The following PPP2R2A variants were observed in gnomAD, a reference collection of about 807,000 sequenced individuals.
PPP2R2A encodes the protein protein phosphatase 2 regulatory subunit Balpha.
Under a neutral mutation model 53.2 loss-of-function variants are expected in PPP2R2A, and 9 were observed. The observed-to-expected ratio is 0.17, with a 90% CI of 0.10 to 0.30. PPP2R2A has a LOEUF of 0.30. Among genes scored for constraint, PPP2R2A ranks in the 10% least tolerant of loss-of-function variants. The pLI, the probability that PPP2R2A is intolerant of heterozygous loss-of-function variation, is 1.00. For missense variants in PPP2R2A, 235 were observed against 534.6 expected (o/e 0.44, Z 5.53); for synonymous variants, 169 against 174.2 (o/e 0.97, Z 0.23).
chr8:26,296,746 T>A (rs1801556355), intron 2 of PPP2R2A, among the ~76,000 whole-genome samples: 1 of 152,202 alleles, frequency 6.6e-6, no homozygotes, highest in Non-Finnish European at 1.5e-5. Flanking sequence ...TTATTGTTCT[T>A]AGGTTTTGAA....
At chr8:26,359,071 C>A in intron 4 of PPP2R2A, 1 of 382,496 alleles carries the variant, frequency 2.6e-6, no homozygotes, top group Non-Finnish European at 5.5e-6. Context: ...TTGAACAATG[C>A]TGTGAGAAGT....
rs1364621233 is a variant in PPP2R2A, at chr8:26,338,766, G to A, written c.83-124G>A. The stretch of plus-strand genomic sequence containing the variant: ...AGATTCATGTTATTTCTGATGGGTG[G>A]TTGATGTACTTCAAAGATATACTTC... On this transcript the variant is annotated intron_variant, in intron 2 of 9. Transcript: ENST00000380737. This position sits in a 1 kb window ranked among gnomAD's most constrained non-coding sequence, Gnocchi z 4.5. The A allele has an allele frequency of 3.7e-6, 2 of 536,328 alleles. No homozygotes were observed. Among genetic ancestry groups the A allele is most frequent in the East Asian group, 3.2e-5 (1 of 31,668 alleles). The allele number at this position is 536,328 out of a possible 1,614,324, so 33.2% of individuals were successfully genotyped here.
chr8:26,331,714 G>T (rs6557911), intron 2 of PPP2R2A, among the ~76,000 whole-genome samples: 104,152 of 152,102 alleles, frequency 0.68, 36,074 homozygotes, highest in East Asian at 0.88. Context: ...TTGTAGATAC[G>T]TGCTCTTTAC....
Position 26,371,228 on chromosome 8 carries a change from A to G in PPP2R2A, c.*815A>G, listed in dbSNP as rs950509300. 6.6e-6 allele frequency: 1 copy of G among 152,014 alleles called. No homozygotes were observed. The highest frequency in any genetic ancestry group is 2.4e-5 in the African/African-American group (1 of 41,370). The allele number at this position is 152,014 out of a possible 1,614,324, so 9.4% of individuals were successfully genotyped here. ...GAAACAAAATGGGTTTTCATTGTTTATTGGTATTTTTGTTAATTATTTTTA... is the reference window on the plus strand; with the variant it reads ...GAAACAAAATGGGTTTTCATTGTTTGTTGGTATTTTTGTTAATTATTTTTA... On this transcript the variant is annotated 3_prime_UTR_variant, in exon 10 of 10. Transcript: ENST00000380737.
chr8:26,293,633 C>T lies in PPP2R2A; in HGVS notation c.8-33C>T, dbSNP rs372439016. 1.4e-5 allele frequency: 23 copies of T among 1,593,288 alleles called. No individual in the cohort carries two copies. In the African/African-American group the frequency reaches 2.8e-4, roughly 20 times the overall value. On this transcript the variant is annotated intron_variant, in intron 1 of 9. Coordinates refer to ENST00000380737, the MANE Select transcript of PPP2R2A (RefSeq NM_002717.4). Reference sequence around the variant, plus strand: ...TTTACGAGAGTCAACATAAGCAGAACTCGGTTTTAATTGGTATGTTTTCTT... The same window carrying T: ...TTTACGAGAGTCAACATAAGCAGAATTCGGTTTTAATTGGTATGTTTTCTT...
intron 3 of PPP2R2A, among the ~76,000 whole-genome samples, chr8:26,344,892 T>A (rs1392080729): frequency 1.3e-5 from 2 of 152,204 alleles, no homozygotes; most frequent in Non-Finnish European, 2.9e-5. Context: ...TCAGATGTTT[T>A]CGGATTTTGG....
At chr8:26,353,740 A>G (rs535071194) in intron 3 of PPP2R2A, among the ~76,000 whole-genome samples, 3 of 152,318 alleles carry the variant, frequency 2.0e-5, no homozygotes, top group East Asian at 3.9e-4. Context: ...CATTTTTTCA[A>G]AGTGATACTA....
At chr8:26,293,114 T>G (rs1303825831) in intron 1 of PPP2R2A, 2 of 866,276 alleles carry the variant, frequency 2.3e-6, no homozygotes, top group Non-Finnish European at 3.5e-6. Context: ...AGCATTCATT[T>G]CGGTTTCTTT....
Position 26,291,703 on chromosome 8 carries a change from C to CCCCCGG in PPP2R2A, c.-117_-116insCCCCGG. 1 of 825,258 alleles carries CCCCCGG rather than the reference C, an allele frequency of 1.2e-6. No individual in the cohort carries two copies. The highest frequency in any genetic ancestry group is 1.9e-6 in the Non-Finnish European group (1 of 528,184). The allele number at this position is 825,258 out of a possible 1,614,324, so 51.1% of individuals were successfully genotyped here. The stretch of plus-strand genomic sequence containing the variant: ...CCCCCCGGCCCCCGTCCCCTCCCCC[C>CCCCCGG]GCAGGTGCCATCCGCCGCCATCCGC... On this transcript the variant is annotated 5_prime_UTR_variant, in exon 1 of 10. Coordinates refer to ENST00000380737, the MANE Select transcript of PPP2R2A (RefSeq NM_002717.4).
Position 26,370,675 on chromosome 8 carries a change from G to A in PPP2R2A, c.*262G>A. On this transcript the variant is annotated 3_prime_UTR_variant, in exon 10 of 10. Transcript: ENST00000380737. The surrounding 1 kb of genome is among the most constrained non-coding windows in gnomAD (Gnocchi z 6.1). Reference sequence around the variant, plus strand: ...ACTTCTTGCACCATCTTGCCTAATGGACTAGATTGGACTGTATCAACATTG... The same window carrying A: ...ACTTCTTGCACCATCTTGCCTAATGAACTAGATTGGACTGTATCAACATTG... 1 of 481,024 alleles carries A rather than the reference G, an allele frequency of 2.1e-6. No homozygotes were observed. The allele number at this position is 481,024 out of a possible 1,614,324, so 29.8% of individuals were successfully genotyped here.
In PPP2R2A at chr8:26,321,691, A is replaced by G. The variant is rs1802848796; in HGVS notation, c.83-17199A>G. 6.6e-6 allele frequency among the ~76,000 whole-genome samples: 1 copy of G among 152,194 alleles called. No individual in the cohort carries two copies. The highest frequency in any genetic ancestry group is 1.5e-5 in the Non-Finnish European group (1 of 68,034). ...CAGCAGCCAGGCGCACGAGCTTGGAAGTAGATCTCCTCCTCCAGTCAGGCT... is the reference window on the plus strand; with the variant it reads ...CAGCAGCCAGGCGCACGAGCTTGGAGGTAGATCTCCTCCTCCAGTCAGGCT... On this transcript the variant is annotated intron_variant, in intron 2 of 9. Coordinates refer to ENST00000380737, the MANE Select transcript of PPP2R2A (RefSeq NM_002717.4). The surrounding 1 kb of genome is among the most constrained non-coding windows in gnomAD (Gnocchi z 4.1).
intron 2 of PPP2R2A, among the ~76,000 whole-genome samples, chr8:26,326,817 A>C (rs1240135193): frequency 6.6e-6 from 1 of 152,224 alleles, no homozygotes; most frequent in Non-Finnish European, 1.5e-5. Context: ...ACTAACTTTA[A>C]GTCTAGAATG....
intron 9 of PPP2R2A, 127 bp downstream of exon 9, chr8:26,366,533 CA>C: frequency 5.1e-6 from 3 of 587,128 alleles, no homozygotes; most frequent in Non-Finnish European, 5.6e-6. Flanking sequence ...TATAGCACAG[CA>C]GTACTGGTAG....
At chr8:26,366,457 A>G in intron 9 of PPP2R2A, 51 bp downstream of exon 9, 1 of 1,384,326 alleles carries the variant, frequency 7.2e-7, no homozygotes, top group Non-Finnish European at 9.9e-7. Flanking sequence ...AAAAGAAACA[A>G]CTATTTCATT....
At chr8:26,304,843 A>G (rs754739733) in intron 2 of PPP2R2A, among the ~76,000 whole-genome samples, 8 of 152,228 alleles carry the variant, frequency 5.3e-5, no homozygotes, top group Non-Finnish European at 1.2e-4. Context: ...TCTCCTTGAC[A>G]TAAAATGAGC....
chr8:26,310,124 T>G (rs1253585608), intron 2 of PPP2R2A, among the ~76,000 whole-genome samples: 2 of 144,594 alleles, frequency 1.4e-5, no homozygotes, highest in Non-Finnish European at 3.0e-5. Context: ...CTACTAAAAA[T>G]ACAAAAATTA....
intron 1 of PPP2R2A, chr8:26,292,181 G>A: frequency 1.7e-6 from 2 of 1,161,666 alleles, no homozygotes; most frequent in Non-Finnish European, 2.1e-6. Context: ...CTTGCCCCCC[G>A]CCTTTATTTT....
At chr8:26,335,489 A>G (rs774458400) in intron 2 of PPP2R2A, among the ~76,000 whole-genome samples, 6 of 152,234 alleles carry the variant, frequency 3.9e-5, no homozygotes, top group South Asian at 2.1e-4. Flanking sequence ...CGGTATAAAG[A>G]TCACAGCAAG....
intron 3 of PPP2R2A, among the ~76,000 whole-genome samples, chr8:26,351,400 T>C (rs542426831): frequency 6.6e-6 from 1 of 152,282 alleles, no homozygotes; most frequent in South Asian, 2.1e-4. Context: ...TTATTAAAAA[T>C]AAATTGTAGA....
Sources: gnomAD v4.1 joint callset for allele counts (sites outside exome capture counted in the v4.1 genomes callset) on GRCh38, gnomAD v4.1.1 for gene constraint, Gnocchi (gnomAD v3.1) non-coding constraint, MANE v1.5 for transcripts, NCBI Gene and HGNC (gene_info 2026-07-23, HGNC 2026-07-21) for gene names.